Variants in ZNF148 observed in about 807,000 individuals in gnomAD.
The protein encoded by ZNF148 is zinc finger protein 148.
In ZNF148, 7 loss-of-function variants were observed where a neutral mutation model predicts 67.7. That is an observed-to-expected ratio of 0.10 (90% confidence interval 0.06 to 0.19). The LOEUF is 0.19. Among genes scored for constraint, ZNF148 ranks in the 10% least tolerant of loss-of-function variants. ZNF148 has a pLI of 1.00. For missense variants in ZNF148, 583 were observed against 947.1 expected (o/e 0.62, Z 5.05); for synonymous variants, 333 against 330.7 (o/e 1.01, Z -0.08).
intron 1 of ZNF148, among the ~76,000 whole-genome samples, chr3:125,346,055 T>TA (rs1941930583): frequency 6.6e-6 from 1 of 152,170 alleles, no homozygotes; most frequent in Non-Finnish European, 1.5e-5. Flanking sequence ...CTATAACTCT[T>TA]ACAAATGTAG....
chr3:125,252,716 C>T (rs955629496), intron 7 of ZNF148, among the ~76,000 whole-genome samples: 4 of 148,218 alleles, frequency 2.7e-5, no homozygotes, highest in African/African-American at 7.5e-5. Context: ...TGCAGTGAGC[C>T]GAGATTGTGC....
At chr3:125,252,779 A>G (rs1936900924) in intron 7 of ZNF148, among the ~76,000 whole-genome samples, 1 of 151,704 alleles carries the variant, frequency 6.6e-6, no homozygotes. Flanking sequence ...AAAAAAAAAA[A>G]AAAAAACCCA....
chr3:125,232,341 TTA>T lies in ZNF148; in HGVS notation c.2383_2384del (p.Ter795LysfsTer8). 1.3e-6 allele frequency: 2 copies of T among 1,579,006 alleles called. No homozygotes were observed. On this transcript the variant is annotated frameshift_variant and stop_lost, in exon 9 of 9. Coordinates refer to ENST00000360647, the MANE Select transcript of ZNF148 (RefSeq NM_021964.3). LOFTEE classifies it high-confidence loss of function. This position sits in a 1 kb window ranked among gnomAD's most constrained non-coding sequence, Gnocchi z 4.2. ...TATTATTTACACTTTTTTTTTTTTT[TTA>T]GCCAAAAGTCTGGCCAGTTGTGGCA... The part of the protein sequence containing the change: ...PDATTGQTFG[*>X]
chr3:125,295,270 T>C (rs1370403410), intron 4 of ZNF148, among the ~76,000 whole-genome samples: 1 of 152,032 alleles, frequency 6.6e-6, no homozygotes, highest in Non-Finnish European at 1.5e-5. Context: ...CTGGCCAAGA[T>C]GGTGAAACCC....
In ZNF148 at chr3:125,232,725, T is replaced by G; in HGVS notation, c.2001A>C (p.Leu667=). Residue 667 remains leucine (L), a synonymous_variant, in exon 9 of 9, where the codon CTA becomes CTC. Coordinates refer to ENST00000360647, the MANE Select transcript of ZNF148 (RefSeq NM_021964.3). This position sits in a 1 kb window ranked among gnomAD's most constrained non-coding sequence, Gnocchi z 4.2. ...NSFRSGMNSP[L]RTTPDKSHFG... ...AGTGGGACTTATCTGGAGTTGTTCT[T>G]AGTGGAGAATTCATTCCTGATCGAA... 2.5e-6 allele frequency: 4 copies of G among 1,613,892 alleles called. No individual in the cohort carries two copies. The highest frequency in any genetic ancestry group is 3.4e-6 in the Non-Finnish European group (4 of 1,179,812).
chr3:125,346,985 A>G (rs1941968671), intron 1 of ZNF148, among the ~76,000 whole-genome samples: 1 of 152,246 alleles, frequency 6.6e-6, no homozygotes, highest in South Asian at 2.1e-4. Context: ...TAAAGCTACT[A>G]GAATAAACAA....
rs963666581 is a variant in ZNF148 at position 125,230,327 on chromosome 3, C to T, written c.*2014G>A. ...TTTTAACGTATCACCTGAATGAAGC[C>T]TTTTTGTAATTATGTAATGCACAAC... On this transcript the variant is annotated 3_prime_UTR_variant, in exon 9 of 9. Coordinates refer to ENST00000360647, the MANE Select transcript of ZNF148 (RefSeq NM_021964.3). The T allele has an allele frequency of 1.3e-5, 2 of 152,582 alleles. No homozygotes were observed. The highest frequency in any genetic ancestry group is 2.9e-5 in the Non-Finnish European group (2 of 67,992). The allele number at this position is 152,582 out of a possible 1,614,324, so 9.5% of individuals were successfully genotyped here. A position where few individuals can be genotyped will look rare whatever the true frequency, so the allele number is the denominator to read the frequency against.
chr3:125,234,809 C>CTTAGATTT (rs1255953523), intron 7 of ZNF148, among the ~76,000 whole-genome samples: 28 of 152,046 alleles, frequency 1.8e-4, no homozygotes. Flanking sequence ...TAATAAAATA[C>CTTAGATTT]AAAAAGAACT....
intron 1 of ZNF148, among the ~76,000 whole-genome samples, chr3:125,337,159 A>T (rs1336937147): frequency 6.6e-6 from 1 of 152,172 alleles, no homozygotes; most frequent in Non-Finnish European, 1.5e-5. Context: ...AAATAAAGCC[A>T]TCAAGTGAAA....
intron 6 of ZNF148, 88 bp from the exon 7 acceptor site, chr3:125,277,897 G>T: frequency 2.7e-6 from 3 of 1,102,606 alleles, no homozygotes; most frequent in Non-Finnish European, 3.7e-6. Context: ...AATCTTAGAT[G>T]CCCAAATTTT....
At chr3:125,256,981 T>G (rs551311069) in intron 7 of ZNF148, among the ~76,000 whole-genome samples, 33 of 151,592 alleles carry the variant, frequency 2.2e-4, no homozygotes, top group Non-Finnish European at 3.7e-4. Context: ...TTTTTTTTTT[T>G]TTTTTTTTTT....
chr3:125,235,166 T>A (rs772089968), intron 7 of ZNF148, among the ~76,000 whole-genome samples: 1 of 152,198 alleles, frequency 6.6e-6, no homozygotes, highest in African/African-American at 2.4e-5. Context: ...CTCCCTTTCA[T>A]ACATTTAACA....
Position 125,279,112 on chromosome 3 carries a change from T to G in ZNF148, c.583+12A>C. On this transcript the variant is annotated intron_variant, in intron 6 of 8. Coordinates refer to ENST00000360647, the MANE Select transcript of ZNF148 (RefSeq NM_021964.3). ...TTTAATGGCCACAAGCCCATTTTAA[T>G]TCAAGAAATACCTGTATGAATGAAG... 1.3e-6 allele frequency: 2 copies of G among 1,588,168 alleles called. No individual in the cohort carries two copies. The highest frequency in any genetic ancestry group is 1.7e-6 in the Non-Finnish European group (2 of 1,169,326).
chr3:125,344,377 G>A (rs1941858106), intron 1 of ZNF148: 2 of 630,006 alleles, frequency 3.2e-6, no homozygotes, highest in African/African-American at 1.8e-5. Flanking sequence ...TCCACTGAAT[G>A]TGGAAAAAAT....
intron 7 of ZNF148, among the ~76,000 whole-genome samples, chr3:125,263,010 C>T (rs7637986): frequency 0.061 from 9,279 of 152,230 alleles, 700 homozygotes; most frequent in East Asian, 0.18. Flanking sequence ...TCCCACCATT[C>T]GCTGTAACAC....
intron 1 of ZNF148, among the ~76,000 whole-genome samples, chr3:125,374,868 G>A (rs1165464801): frequency 7.1e-6 from 1 of 140,382 alleles, no homozygotes; most frequent in Non-Finnish European, 1.6e-5. Flanking sequence ...CGCCACCCCC[G>A]TCATTATCCC....
At chr3:125,313,744 T>G (rs1446147840) in intron 3 of ZNF148, 88 bp from the exon 4 acceptor site, 2 of 1,057,880 alleles carry the variant, frequency 1.9e-6, no homozygotes, top group Non-Finnish European at 1.3e-6. Context: ...AATTTGAACA[T>G]TCAAATACAA....
chr3:125,274,699 T>G (rs1446673287), intron 7 of ZNF148, among the ~76,000 whole-genome samples: 2 of 152,196 alleles, frequency 1.3e-5, no homozygotes, highest in African/African-American at 4.8e-5. Flanking sequence ...AGAATGGGCT[T>G]GGAGGCCTGA....
chr3:125,260,283 G>A (rs891886863), intron 7 of ZNF148, among the ~76,000 whole-genome samples: 5 of 151,622 alleles, frequency 3.3e-5, no homozygotes, highest in Non-Finnish European at 5.9e-5. Flanking sequence ...TCAACACAGG[G>A]TTGCCATAAA....
Sources: gnomAD v4.1 joint callset for allele counts (sites outside exome capture counted in the v4.1 genomes callset) on GRCh38, gnomAD v4.1.1 for gene constraint, Gnocchi (gnomAD v3.1) non-coding constraint, MANE v1.5 for transcripts, NCBI Gene and HGNC (gene_info 2026-07-23, HGNC 2026-07-21) for gene names.